The following MYO18B variants were observed in gnomAD, a reference collection of about 807,000 sequenced individuals.
MYO18B encodes the protein unconventional myosin-XVIIIb.
Under a neutral mutation model 273.0 loss-of-function variants are expected in MYO18B, and 204 were observed. The observed-to-expected ratio is 0.75, with a 90% confidence interval of 0.67 to 0.84. MYO18B has a LOEUF of 0.84. MYO18B is among the 40% of genes least tolerant of loss of function. The pLI is 0.00. For synonymous variants in MYO18B, 1,330 were observed against 1,305.7 expected (o/e 1.02, Z -0.40); for missense variants, 3,212 against 3,287.6 (o/e 0.98, Z 0.56).
At chr22:25,913,512 C>A (rs1270258202) in intron 33 of MYO18B, among the ~76,000 whole-genome samples, 2 of 152,122 alleles carry the variant, frequency 1.3e-5, no homozygotes, top group African/African-American at 4.8e-5. Flanking sequence ...TACAGGCGCC[C>A]GCCACCACGC....
In MYO18B at chr22:25,780,211, G is replaced by A. The variant is rs770707254; in HGVS notation, c.2211+13G>A. 51 of 1,596,534 alleles carry A rather than the reference G, an allele frequency of 3.2e-5. No homozygotes were observed. Among genetic ancestry groups the A allele is most frequent in the African/African-American group, 1.9e-4 (14 of 74,708 alleles). ...TGCTCAGCTCCAGGTGAGGCCTCTCGGGGGATGTGCAAGGGGGCCCTTGGG... is the reference window on the plus strand; with the variant it reads ...TGCTCAGCTCCAGGTGAGGCCTCTCAGGGGATGTGCAAGGGGGCCCTTGGG... On this transcript the variant is annotated intron_variant, in intron 9 of 43. Transcript: ENST00000335473.
At chr22:25,779,791 C>CT (rs1186665668) in intron 8 of MYO18B, among the ~76,000 whole-genome samples, 1 of 151,934 alleles carries the variant, frequency 6.6e-6, no homozygotes. Context: ...TAGCCCTGGC[C>CT]CTTCTAGATT....
the MYO18B span, among the ~76,000 whole-genome samples, chr22:26,039,237 C>T: frequency 1.6e-4 from 24 of 152,296 alleles, no homozygotes; most frequent in Non-Finnish European, 3.1e-4. Flanking sequence ...AACACTCTCA[C>T]AGACACTATA....
chr22:25,927,596 C>T (rs376976597), intron 34 of MYO18B, among the ~76,000 whole-genome samples: 2 of 152,278 alleles, frequency 1.3e-5, no homozygotes, highest in East Asian at 3.9e-4. Flanking sequence ...CTTGCCCTGC[C>T]TCCACTTGCC....
chr22:25,837,746 A>C (rs894114596), intron 17 of MYO18B, among the ~76,000 whole-genome samples: 2 of 152,226 alleles, frequency 1.3e-5, no homozygotes, highest in Non-Finnish European at 2.9e-5. Context: ...GCAAGCTCAC[A>C]GTGCAAATTC....
intron 42 of MYO18B, among the ~76,000 whole-genome samples, chr22:26,024,941 G>T (rs1400308069): frequency 1.3e-5 from 2 of 152,166 alleles, no homozygotes; most frequent in African/African-American, 4.8e-5. Flanking sequence ...TACATTTGTT[G>T]TCTGATTCAT....
chr22:26,029,971 G>T (rs1234114069), intron 43 of MYO18B, among the ~76,000 whole-genome samples: 1 of 152,066 alleles, frequency 6.6e-6, no homozygotes, highest in East Asian at 1.9e-4. Flanking sequence ...TTCTCCTTCT[G>T]CCACCTACAC....
chr22:25,967,343 G>A (rs2092990478), intron 39 of MYO18B, among the ~76,000 whole-genome samples: 2 of 152,188 alleles, frequency 1.3e-5, no homozygotes, highest in Non-Finnish European at 2.9e-5. Flanking sequence ...AGGAAGGTTA[G>A]TCTTCATGGT....
chr22:25,891,319 G>A lies in MYO18B; in HGVS notation c.4450G>A (p.Val1484Ile), dbSNP rs2091656145. Residue 1484 changes from valine (V) to isoleucine (I), a missense_variant, in exon 27 of 44, where the codon GTC (valine) becomes ATC (isoleucine). Val to Ile is a conservative substitution (Grantham distance 29). Coordinates refer to ENST00000335473, the MANE Select transcript of MYO18B (RefSeq NM_032608.7). ...VQELKSKHEQVQKKLGDVNKQ... is the reference protein window; with the variant it reads ...VQELKSKHEQIQKKLGDVNKQ... ...TTTCTTCTAGAGCAAGCATGAACAA[G>A]TCCAGAAAAAACTGGGAGATGTGAA... 6 of 1,573,358 alleles carry A rather than the reference G, an allele frequency of 3.8e-6. No homozygotes were observed. Among genetic ancestry groups the A allele is most frequent in the African/African-American group, 1.4e-5 (1 of 73,934 alleles).
chr22:25,998,365 G>C lies in MYO18B; in HGVS notation c.6288-4900G>C, dbSNP rs986482157. Reference sequence around the variant, plus strand: ...CTGCTCTGTCTGTCACCTTGGCTAGGGGGTAAAGGGGTTTGGGCGAGATGT... The same window carrying C: ...CTGCTCTGTCTGTCACCTTGGCTAGCGGGTAAAGGGGTTTGGGCGAGATGT... On this transcript the variant is annotated intron_variant, in intron 40 of 43. Coordinates refer to ENST00000335473, the MANE Select transcript of MYO18B (RefSeq NM_032608.7). Among the ~76,000 whole-genome samples, 6 of 152,176 alleles carry C rather than the reference G, an allele frequency of 3.9e-5. No homozygotes were observed. The South Asian group carries it at 8.3e-4, about 21-fold the overall frequency.
At chr22:25,975,814 G>A (rs919047257) in intron 39 of MYO18B, among the ~76,000 whole-genome samples, 1 of 152,114 alleles carries the variant, frequency 6.6e-6, no homozygotes, top group Non-Finnish European at 1.5e-5. Context: ...GATGCTTCTG[G>A]CCCAGAGACC....
At chr22:25,844,495 A>G (rs1021315637) in intron 18 of MYO18B, among the ~76,000 whole-genome samples, 1 of 152,172 alleles carries the variant, frequency 6.6e-6, no homozygotes, top group African/African-American at 2.4e-5. Flanking sequence ...CCAGGATGAG[A>G]AAGAACCACT....
intron 23 of MYO18B, among the ~76,000 whole-genome samples, chr22:25,875,511 C>CT (rs376035135): frequency 1.6e-4 from 24 of 152,020 alleles, no homozygotes; most frequent in Non-Finnish European, 2.4e-4. Flanking sequence ...CTGGTCCCCC[C>CT]CCCAGTGATA....
At position 26,004,856 on chromosome 22, in the gene MYO18B, G is replaced by A. The variant is rs1934298147; in HGVS notation, c.6470+1G>A. The A allele has an allele frequency of 2.5e-6, 4 of 1,613,320 alleles. No individual in the cohort carries two copies. Among genetic ancestry groups the A allele is most frequent in the Non-Finnish European group, 3.4e-6 (4 of 1,179,600 alleles). Reference sequence around the variant, plus strand: ...CCAGCAGCCGCATCCTCAGCCCCAGGTAAGAGTATCTCCTTGCTGCCTCTG... The same window carrying A: ...CCAGCAGCCGCATCCTCAGCCCCAGATAAGAGTATCTCCTTGCTGCCTCTG... On this transcript the variant is annotated splice_donor_variant, in intron 42 of 43. Transcript: ENST00000335473. LOFTEE classifies it high-confidence loss of function.
intron 21 of MYO18B, among the ~76,000 whole-genome samples, chr22:25,853,083 C>A (rs141754026): frequency 4.0e-4 from 61 of 152,328 alleles, no homozygotes; most frequent in African/African-American, 1.3e-3. Context: ...GTACCTTACA[C>A]AGGTCCTGGG....
intron 15 of MYO18B, among the ~76,000 whole-genome samples, chr22:25,830,956 C>A (rs900618741): frequency 3.9e-5 from 6 of 152,178 alleles, no homozygotes; most frequent in African/African-American, 9.7e-5. Context: ...CATAATATTT[C>A]ACTTATTTCT....
intron 12 of MYO18B, among the ~76,000 whole-genome samples, chr22:25,821,202 A>G (rs2089266152): frequency 6.6e-6 from 1 of 152,080 alleles, no homozygotes; most frequent in Non-Finnish European, 1.5e-5. Context: ...GGATTGCTGG[A>G]TCATACAGTA....
Position 25,908,033 on chromosome 22 carries a change from CAA to C in MYO18B, c.5149-273_5149-272del, listed in dbSNP as rs35715764. On this transcript the variant is annotated intron_variant, in intron 31 of 43. Coordinates refer to ENST00000335473, the MANE Select transcript of MYO18B (RefSeq NM_032608.7). Reference sequence around the variant, plus strand: ...AGGCAACAAGAGGGAAACTCCATCTCAAAAAAAAAAAAAAAAAGAGTGTTGAG... The same window carrying C: ...AGGCAACAAGAGGGAAACTCCATCTCAAAAAAAAAAAAAAAGAGTGTTGAG... Among the ~76,000 whole-genome samples the C allele has an allele frequency of 2.2e-3, 228 of 103,878 alleles. 1 individual carries two copies. Among genetic ancestry groups the C allele is most frequent in the African/African-American group, 8.3e-3 (217 of 26,058 alleles). The allele number at this position is 103,878 out of a possible 152,430, so 68.1% of individuals were successfully genotyped here.
downstream of MYO18B, among the ~76,000 whole-genome samples, chr22:26,031,271 C>T (rs1472986596): frequency 6.6e-6 from 1 of 152,102 alleles, no homozygotes; most frequent in South Asian, 2.1e-4. Flanking sequence ...AATCATAGCT[C>T]CCACCCGTGG....
Sources: allele counts gnomAD v4.1 joint callset (sites outside exome capture counted in the v4.1 genomes callset), GRCh38; gene constraint gnomAD v4.1.1; transcripts MANE v1.5; gene names NCBI Gene and HGNC (gene_info 2026-07-23, HGNC 2026-07-21).